The following DAB1 variants were observed in gnomAD, a reference collection of about 807,000 sequenced individuals.
DAB1 encodes the protein disabled homolog 1.
In DAB1, 15 loss-of-function variants were observed where a neutral mutation model predicts 64.6. The ratio of observed to expected loss-of-function variants is 0.23; its 90% CI spans 0.16 to 0.36. The LOEUF is 0.36. DAB1 is among the 10% of genes least tolerant of loss of function. The pLI, the probability that DAB1 is intolerant of heterozygous loss-of-function variation, is 1.00. For missense variants in DAB1, 596 were observed against 706.7 expected (o/e 0.84, Z 1.78); for synonymous variants, 235 against 251.9 (o/e 0.93, Z 0.64).
At chr1:57,873,452 T>C (rs1643988992) in intron 1 of DAB1, among the ~76,000 whole-genome samples, 1 of 152,188 alleles carries the variant, frequency 6.6e-6, no homozygotes, top group Non-Finnish European at 1.5e-5. Flanking sequence ...CTTTTGATGT[T>C]TGCTGAATGA....
At chr1:58,375,327 T>C (rs1458989435) in intron 3 of DAB1, among the ~76,000 whole-genome samples, 2 of 140,968 alleles carry the variant, frequency 1.4e-5, no homozygotes, top group Non-Finnish European at 3.1e-5. Flanking sequence ...TTGTCATAGA[T>C]AGCTCTTATT....
intron 7 of DAB1, among the ~76,000 whole-genome samples, chr1:57,479,203 C>A (rs1036302395): frequency 2.0e-5 from 3 of 152,076 alleles, no homozygotes; most frequent in African/African-American, 7.2e-5. Flanking sequence ...TACAGGACAT[C>A]TGTAAGGAAT....
At chr1:58,387,318 T>C (rs1644440530) in intron 3 of DAB1, among the ~76,000 whole-genome samples, 1 of 152,174 alleles carries the variant, frequency 6.6e-6, no homozygotes, top group African/African-American at 2.4e-5. Context: ...GAATTTAACA[T>C]GCATATCACA....
At chr1:57,991,845 CAAAAAAAAA>C (rs56324635) in intron 5 of DAB1, among the ~76,000 whole-genome samples, 35 of 60,144 alleles carry the variant, frequency 5.8e-4, no homozygotes, top group Admixed American at 1.5e-3. Flanking sequence ...GGCTCTGTCT[CAAAAAAAAA>C]AAAAAAAAAA....
At chr1:58,418,831 A>G (rs773157036) in intron 3 of DAB1, among the ~76,000 whole-genome samples, 10 of 152,214 alleles carry the variant, frequency 6.6e-5, no homozygotes, top group Non-Finnish European at 1.3e-4. Flanking sequence ...GGAGGCTAAG[A>G]TAAGTCATTT....
rs1662289907 is a variant in DAB1 at position 57,176,139 on chromosome 1, C to G, written c.68-30710G>C. On this transcript the variant is annotated intron_variant, in intron 2 of 14. Transcript: ENST00000371236. Reference sequence around the variant, plus strand: ...TAGGATGGGGGTATTCTCAGCTTCCCTCAGTGGTCCTTTATGACATTTTAG... The same window carrying G: ...TAGGATGGGGGTATTCTCAGCTTCCGTCAGTGGTCCTTTATGACATTTTAG... Among the ~76,000 whole-genome samples, 8 of 152,274 alleles carry G rather than the reference C, an allele frequency of 5.3e-5. No homozygotes were observed. The South Asian group carries it at 1.7e-3, about 32-fold the overall frequency.
chr1:58,488,225 C>T (rs541418617), intron 3 of DAB1, among the ~76,000 whole-genome samples: 5 of 152,098 alleles, frequency 3.3e-5, no homozygotes, highest in South Asian at 4.2e-4. Context: ...TTTACATGTG[C>T]GGAATTTTAA....
chr1:57,769,235 G>A (rs1021618254), intron 6 of DAB1, among the ~76,000 whole-genome samples: 13 of 152,222 alleles, frequency 8.5e-5, no homozygotes, highest in Non-Finnish European at 1.9e-4. Context: ...GAGTGTCAAA[G>A]GGCTATGGAA....
At chr1:57,433,080 G>A (rs1338202363) in intron 7 of DAB1, among the ~76,000 whole-genome samples, 1 of 152,078 alleles carries the variant, frequency 6.6e-6, no homozygotes, top group Non-Finnish European at 1.5e-5. Context: ...CCAAATAAAT[G>A]GAGAGACATA....
intron 5 of DAB1, among the ~76,000 whole-genome samples, chr1:58,064,683 TTTTA>T (rs1381766945): frequency 6.8e-6 from 1 of 146,922 alleles, no homozygotes; most frequent in African/African-American, 2.5e-5. Flanking sequence ...AGATAAATTT[TTTTA>T]TTTATTTATG....
chr1:57,062,183 C>T (rs753039070), intron 9 of DAB1, among the ~76,000 whole-genome samples: 4 of 152,186 alleles, frequency 2.6e-5, no homozygotes, highest in Admixed American at 6.5e-5. Context: ...GGAGTCCCAC[C>T]GGCACATGGG....
intron 1 of DAB1, among the ~76,000 whole-genome samples, chr1:57,329,492 C>G (rs605774): frequency 4.0e-5 from 6 of 151,828 alleles, no homozygotes; most frequent in Non-Finnish European, 8.8e-5. Context: ...TTTTGCATAT[C>G]TAAACAGTAA....
At chr1:57,071,712 GC>G in intron 5 of DAB1, 71 bp from the exon 6 acceptor site, 1 of 1,479,528 alleles carries the variant, frequency 6.8e-7, no homozygotes, top group Non-Finnish European at 9.1e-7. Flanking sequence ...TTTTGTTTTT[GC>G]GGCGACAACC....
At position 57,662,709 on chromosome 1, in the gene DAB1, T is replaced by C. The variant is rs537936085; in HGVS notation, n.552-13044A>G. Among the ~76,000 whole-genome samples the C allele has an allele frequency of 3.3e-5, 5 of 152,304 alleles. No homozygotes were observed. In the East Asian group the frequency reaches 9.7e-4, roughly 29 times the overall value. On this transcript the variant is annotated intron_variant and non_coding_transcript_variant, in intron 6 of 20. Transcript: ENST00000485760. ...CTCTTAGATGAGAAAGAGATTAGTA[T>C]AGTCCAGATAGGCAAGGGAATAGTG...
intron 2 of DAB1, among the ~76,000 whole-genome samples, chr1:57,219,133 A>G (rs958714516): frequency 6.6e-6 from 1 of 152,218 alleles, no homozygotes; most frequent in Non-Finnish European, 1.5e-5. Flanking sequence ...ATTTTTATGA[A>G]TTAGTGAAAT....
chr1:57,375,984 A>G (rs1475116059), intron 1 of DAB1, among the ~76,000 whole-genome samples: 1 of 152,200 alleles, frequency 6.6e-6, no homozygotes, highest in Non-Finnish European at 1.5e-5. Context: ...ACACGGACAC[A>G]GACAACTGTC....
chr1:58,372,674 G>A lies in DAB1; in HGVS notation n.258-29271C>T, dbSNP rs545357319. Among the ~76,000 whole-genome samples, 10 of 152,330 alleles carry A rather than the reference G, an allele frequency of 6.6e-5. No individual in the cohort carries two copies. The South Asian group carries it at 1.9e-3, about 28-fold the overall frequency. Reference sequence around the variant, plus strand: ...ATAATCCAAATTGTAATCCCCACATGCCGAGGGAGGAACCTGGTGTGGGGT... The same window carrying A: ...ATAATCCAAATTGTAATCCCCACATACCGAGGGAGGAACCTGGTGTGGGGT... On this transcript the variant is annotated intron_variant and non_coding_transcript_variant, in intron 3 of 20. Coordinates refer to the DAB1 transcript ENST00000485760.
chr1:57,793,324 T>G (rs1480112405), intron 6 of DAB1, among the ~76,000 whole-genome samples: 1 of 152,206 alleles, frequency 6.6e-6, no homozygotes, highest in Non-Finnish European at 1.5e-5. Flanking sequence ...TTACCTCAGA[T>G]GGATGGCTGG....
At chr1:57,631,054 A>G (rs757742534) in intron 7 of DAB1, among the ~76,000 whole-genome samples, 9 of 152,244 alleles carry the variant, frequency 5.9e-5, no homozygotes, top group Non-Finnish European at 1.3e-4. Flanking sequence ...CTTGTGCATC[A>G]GAGCCACCAA....
Sources: allele counts gnomAD v4.1 joint callset (sites outside exome capture counted in the v4.1 genomes callset), GRCh38; gene constraint gnomAD v4.1.1; transcripts MANE v1.5; gene names NCBI Gene and HGNC (gene_info 2026-07-23, HGNC 2026-07-21).